The following CPB2 variants were observed in gnomAD, a reference collection of about 807,000 sequenced individuals.
CPB2 encodes the protein carboxypeptidase B-like protein.
Under a neutral mutation model 57.0 loss-of-function variants are expected in CPB2, and 54 were observed. The observed-to-expected ratio is 0.95, with a 90% CI of 0.76 to 1.19. The LOEUF (loss-of-function observed/expected upper bound fraction) is 1.19. Ranked by LOEUF, CPB2 falls within the 50% of genes most tolerant of loss-of-function variation. The probability of loss-of-function intolerance (pLI) is 0.00; values close to 1 mark genes in which losing one functional copy is unlikely to be tolerated. For missense variants in CPB2, 426 were observed against 512.0 expected, an observed-to-expected ratio of 0.83 and a Z score of 1.62; for synonymous variants, 189 against 178.1, an observed-to-expected ratio of 1.06 and a Z score of -0.49.
intron 9 of CPB2, among the ~76,000 whole-genome samples, chr13:46,056,345 A>C (rs2044696665): frequency 6.6e-6 from 1 of 152,156 alleles, no homozygotes; most frequent in Admixed American, 6.5e-5. Context: ...AGATTCATCA[A>C]ATCAAAAAAG....
At position 46,067,777 on chromosome 13, in the gene CPB2, C is replaced by T. The variant is rs746004476; in HGVS notation, c.592-360G>A. Among the ~76,000 whole-genome samples, 10 of 152,212 alleles carry T rather than the reference C, an allele frequency of 6.6e-5. No individual in the cohort carries two copies. The South Asian group carries it at 1.0e-3, about 16-fold the overall frequency. ...TCCTTTTTCTGTAATTCATGTTCAT[C>T]AGAGCTTAAACTACCTACCATGTTT... On this transcript the variant is annotated intron_variant, in intron 6 of 10. Coordinates refer to ENST00000181383, the MANE Select transcript of CPB2 (RefSeq NM_001872.5).
At chr13:46,073,776 A>G in intron 6 of CPB2, 97 bp downstream of exon 6, 1 of 731,666 alleles carries the variant, frequency 1.4e-6, no homozygotes, top group Non-Finnish European at 2.1e-6. Context: ...GATGTGACCT[A>G]GGAAAATGCA....
At chr13:46,060,601 TA>T (rs1238518943) in intron 8 of CPB2, among the ~76,000 whole-genome samples, 1 of 152,214 alleles carries the variant, frequency 6.6e-6, no homozygotes, top group African/African-American at 2.4e-5. Flanking sequence ...TTTTTCATAC[TA>T]AGCCTTCAAA....
intron 1 of CPB2, chr13:46,100,483 A>T (rs1397210363): frequency 7.0e-6 from 1 of 141,946 alleles, no homozygotes; most frequent in Non-Finnish European, 1.5e-5. Context: ...AGGATTTGTG[A>T]ATTTTTTTTT....
At chr13:46,100,676 A>T (rs2045423373) in intron 1 of CPB2, 3 of 152,188 alleles carry the variant, frequency 2.0e-5, no homozygotes. Flanking sequence ...CTAAACCTGC[A>T]TGTGGCTGGT....
intron 8 of CPB2, among the ~76,000 whole-genome samples, chr13:46,063,370 T>A (rs1239266303): frequency 6.6e-6 from 1 of 152,222 alleles, no homozygotes; most frequent in Non-Finnish European, 1.5e-5. Context: ...CATCTTTATG[T>A]CTGTGTATAC....
At chr13:46,059,577 TATCATCATCATCATCATC>T (rs10571812) in intron 8 of CPB2, among the ~76,000 whole-genome samples, 16 of 150,138 alleles carry the variant, frequency 1.1e-4, no homozygotes, top group Admixed American at 3.3e-4. Flanking sequence ...TGTTGCTGTT[TATCATCATCATCATCATC>T]ATCATCATCA....
intron 1 of CPB2, among the ~76,000 whole-genome samples, chr13:46,104,417 A>T (rs2045470176): frequency 6.6e-6 from 1 of 152,252 alleles, no homozygotes; most frequent in Non-Finnish European, 1.5e-5. Context: ...AAGGGAATCT[A>T]CTAAGCAAAA....
intron 4 of CPB2, among the ~76,000 whole-genome samples, chr13:46,081,495 A>G (rs913231240): frequency 1.3e-5 from 2 of 152,044 alleles, no homozygotes; most frequent in Non-Finnish European, 2.9e-5. Context: ...GGGGGGGTGC[A>G]ATTTTAAGGC....
chr13:46,057,086 T>G (rs1436311414), intron 9 of CPB2, among the ~76,000 whole-genome samples: 1 of 152,040 alleles, frequency 6.6e-6, no homozygotes, highest in Non-Finnish European at 1.5e-5. Flanking sequence ...AATGCTTCTT[T>G]AAACATCCAT....
chr13:46,103,755 T>G (rs2045463401), intron 1 of CPB2, among the ~76,000 whole-genome samples: 1 of 152,090 alleles, frequency 6.6e-6, no homozygotes, highest in South Asian at 2.1e-4. Flanking sequence ...TGATACCAAT[T>G]TTTCTCTTCT....
At chr13:46,090,314 C>T (rs1444661071) in intron 1 of CPB2, among the ~76,000 whole-genome samples, 2 of 150,282 alleles carry the variant, frequency 1.3e-5, no homozygotes, top group Non-Finnish European at 1.5e-5. Flanking sequence ...ACTCATGATT[C>T]TGAGTGTCAT....
intron 1 of CPB2, among the ~76,000 whole-genome samples, chr13:46,098,002 C>T (rs984747494): frequency 6.6e-6 from 1 of 152,122 alleles, no homozygotes; most frequent in African/African-American, 2.4e-5. Flanking sequence ...GGTTTTCTAG[C>T]CATGCAGGAA....
At chr13:46,066,566 C>T (rs527510194) in intron 7 of CPB2, among the ~76,000 whole-genome samples, 81 of 152,170 alleles carry the variant, frequency 5.3e-4, no homozygotes, top group Admixed American at 1.4e-3. Context: ...GTTAGGAGGC[C>T]GGGCGAGGTG....
intron 5 of CPB2, among the ~76,000 whole-genome samples, chr13:46,076,085 G>A (rs2045017765): frequency 6.6e-6 from 1 of 152,166 alleles, no homozygotes; most frequent in Non-Finnish European, 1.5e-5. Flanking sequence ...TTTGTCCCTT[G>A]CTGGGATTTG....
rs539070045 is a variant in CPB2, at chr13:46,079,550, A to G, written c.385-649T>C. Among the ~76,000 whole-genome samples, 22 of 144,204 alleles carry G rather than the reference A, an allele frequency of 1.5e-4. No individual in the cohort carries two copies. The East Asian group carries it at 1.8e-3, about 12-fold the overall frequency. 94.6% of individuals were successfully genotyped at this position (144,204 alleles called of 152,430 possible). On this transcript the variant is annotated intron_variant, in intron 4 of 10. Transcript: ENST00000181383. ...AAGGAAAAAGCAAAAAAAAAAAAAA[A>G]AAAAAGAAAAGAAAAGAAAAGAAAA...
chr13:46,061,230 C>T (rs2044768479), intron 8 of CPB2, among the ~76,000 whole-genome samples: 1 of 152,250 alleles, frequency 6.6e-6, no homozygotes, highest in South Asian at 2.1e-4. Context: ...TTAAAAAACA[C>T]TATAGTCTCC....
chr13:46,055,101 G>C (rs1272784245), intron 10 of CPB2, among the ~76,000 whole-genome samples: 2 of 150,262 alleles, frequency 1.3e-5, no homozygotes, highest in Non-Finnish European at 3.0e-5. Context: ...GGAAAAACCT[G>C]GATTTGGCCT....
chr13:46,091,639 T>A (rs1469849730), intron 1 of CPB2, among the ~76,000 whole-genome samples: 2 of 152,214 alleles, frequency 1.3e-5, no homozygotes, highest in East Asian at 3.8e-4. Flanking sequence ...ATTATATCAA[T>A]AGATTGTTTA....
Sources: allele counts gnomAD v4.1 joint callset (sites outside exome capture counted in the v4.1 genomes callset), GRCh38; gene constraint gnomAD v4.1.1; transcripts MANE v1.5; gene names NCBI Gene and HGNC (gene_info 2026-07-23, HGNC 2026-07-21).